The following CARNMT1 variants were observed in gnomAD, a reference collection of about 807,000 sequenced individuals.
CARNMT1 encodes the protein carnosine N-methyltransferase 1.
In CARNMT1, 28 loss-of-function variants were observed where a neutral mutation model predicts 49.6. The ratio of observed to expected loss-of-function variants is 0.56; its 90% CI spans 0.42 to 0.77. CARNMT1 has a LOEUF of 0.77. Ranked by LOEUF, CARNMT1 falls within the 30% of genes least tolerant of loss-of-function variation. The pLI, the probability that CARNMT1 is intolerant of heterozygous loss-of-function variation, is 0.00. For synonymous variants in CARNMT1, 178 were observed against 175.0 expected (o/e 1.02, Z -0.13); for missense variants, 421 against 512.6 (o/e 0.82, Z 1.73).
chr9:74,989,958 G>A (rs1475754815), intron 6 of CARNMT1, among the ~76,000 whole-genome samples: 1 of 152,192 alleles, frequency 6.6e-6, no homozygotes, highest in Non-Finnish European at 1.5e-5. Flanking sequence ...GCAGCATGGC[G>A]AGAAAGATAG....
chr9:75,011,329 C>A (rs1183272603), intron 3 of CARNMT1, among the ~76,000 whole-genome samples: 1 of 152,178 alleles, frequency 6.6e-6, no homozygotes, highest in Non-Finnish European at 1.5e-5. Context: ...TTCTACCCAA[C>A]AGAATATGGC....
In CARNMT1 at chr9:74,996,577, A is replaced by G. The variant is rs1449588801; in HGVS notation, c.911-17T>C. 1.5e-6 allele frequency: 2 copies of G among 1,348,662 alleles called. No homozygotes were observed. Among genetic ancestry groups the G allele is most frequent in the Non-Finnish European group, 2.1e-6 (2 of 964,636 alleles). 83.5% of individuals were successfully genotyped at this position (1,348,662 alleles called of 1,614,324 possible). ...CCCAGGTATCTAATGAAGAAAAATC[A>G]AATTACTGCATCTGTTATGTTATTT... On this transcript the variant is annotated splice_polypyrimidine_tract_variant and intron_variant, in intron 5 of 7. Coordinates refer to ENST00000376834, the MANE Select transcript of CARNMT1 (RefSeq NM_152420.3).
In CARNMT1 at chr9:75,027,909, G is replaced by A. The variant is rs979757438; in HGVS notation, c.230+103C>T. The stretch of plus-strand genomic sequence containing the variant: ...TGCAGCAGCCGGGTCCCGACGCCTC[G>A]GAGGCGTGGCGGCGGGACGGCGAGC... On this transcript the variant is annotated intron_variant, in intron 1 of 7. Transcript: ENST00000376834. 9 of 1,295,860 alleles carry A rather than the reference G, an allele frequency of 6.9e-6. No individual in the cohort carries two copies. The Admixed American group carries it at 2.7e-4, about 39-fold the overall frequency. 80.3% of individuals were successfully genotyped at this position (1,295,860 alleles called of 1,614,324 possible). A position where few individuals can be genotyped will look rare whatever the true frequency, so the allele number is the denominator to read the frequency against.
At chr9:75,018,499 T>A (rs1054003442) in intron 1 of CARNMT1, among the ~76,000 whole-genome samples, 4 of 152,238 alleles carry the variant, frequency 2.6e-5, no homozygotes, top group Non-Finnish European at 5.9e-5. Context: ...TTAGGACATT[T>A]ACACACTAAT....
At position 74,996,557 on chromosome 9, in the gene CARNMT1, G is replaced by A; in HGVS notation, c.914C>T (p.Thr305Ile). 1 of 1,546,214 alleles carries A rather than the reference G, an allele frequency of 6.5e-7. No homozygotes were observed. Among genetic ancestry groups the A allele is most frequent in the Non-Finnish European group, 8.8e-7 (1 of 1,140,904 alleles). ...DFQEIYSECN[T>I]WDCIATCFFI... ...GAAACAGGTAGCAATACAGTCCCAG[G>A]TATCTAATGAAGAAAAATCAAATTA... The change falls in exon 6 of 8, where the codon ACC becomes ATC. Residue 305 changes from threonine to isoleucine, a missense_variant. Transcript: ENST00000376834.
chr9:75,009,018 T>G (rs1833603661), intron 3 of CARNMT1, among the ~76,000 whole-genome samples: 1 of 151,230 alleles, frequency 6.6e-6, no homozygotes, highest in Admixed American at 6.6e-5. Context: ...TCCACTAATT[T>G]TCAACGAGTC....
At chr9:75,024,134 G>T (rs1260607458) in intron 1 of CARNMT1, among the ~76,000 whole-genome samples, 1 of 152,140 alleles carries the variant, frequency 6.6e-6, no homozygotes, top group Non-Finnish European at 1.5e-5. Flanking sequence ...ATGGTCACAG[G>T]CCCATTCCTC....
rs1212652149 is a variant in CARNMT1 at position 74,980,819 on chromosome 9, T to C, written c.*2948A>G. On this transcript the variant is annotated 3_prime_UTR_variant, in exon 8 of 8. Coordinates refer to ENST00000376834, the MANE Select transcript of CARNMT1 (RefSeq NM_152420.3). ...TTTTCCTCAATGGATTCTAACTTTA[T>C]TACAGTGAACTTGAATGAAACAAAG... Among the ~76,000 whole-genome samples, 2 of 152,204 alleles carry C rather than the reference T, an allele frequency of 1.3e-5. No individual in the cohort carries two copies. Among genetic ancestry groups the C allele is most frequent in the Non-Finnish European group, 2.9e-5 (2 of 68,012 alleles).
At chr9:74,988,623 T>C (rs775659003) in intron 6 of CARNMT1, among the ~76,000 whole-genome samples, 12 of 152,224 alleles carry the variant, frequency 7.9e-5, no homozygotes, top group Admixed American at 3.9e-4. Context: ...GACAGACTTC[T>C]AGAAGTATAA....
intron 3 of CARNMT1, among the ~76,000 whole-genome samples, chr9:75,006,036 C>T (rs1159543886): frequency 6.6e-6 from 1 of 151,880 alleles, no homozygotes; most frequent in African/African-American, 2.4e-5. Context: ...TTCTGAAGGG[C>T]TACAATTAAT....
rs1230378004 is a variant in CARNMT1, at chr9:74,981,352, A to C, written c.*2415T>G. ...CTCCTCCCATTTCATAAAGTAAATGAAAATGTTTGTGTATAAAGCTAATTT... is the reference window on the plus strand; with the variant it reads ...CTCCTCCCATTTCATAAAGTAAATGCAAATGTTTGTGTATAAAGCTAATTT... On this transcript the variant is annotated 3_prime_UTR_variant, in exon 8 of 8. Coordinates refer to ENST00000376834, the MANE Select transcript of CARNMT1 (RefSeq NM_152420.3). 1 of 152,172 alleles carries C rather than the reference A, an allele frequency of 6.6e-6. No homozygotes were observed. The highest frequency in any genetic ancestry group is 1.5e-5 in the Non-Finnish European group (1 of 68,000). The allele number at this position is 152,172 out of a possible 1,614,324, so 9.4% of individuals were successfully genotyped here.
At chr9:75,022,382 C>T (rs982523770) in intron 1 of CARNMT1, among the ~76,000 whole-genome samples, 1 of 151,760 alleles carries the variant, frequency 6.6e-6, no homozygotes, top group South Asian at 2.1e-4. Context: ...CACCACCATG[C>T]CCGGCTAATT....
chr9:74,999,511 A>C (rs2118794434), intron 4 of CARNMT1, among the ~76,000 whole-genome samples: 1 of 152,272 alleles, frequency 6.6e-6, no homozygotes, highest in Admixed American at 6.5e-5. Flanking sequence ...ACTTTCTATA[A>C]AGTCACTTAC....
chr9:75,011,078 A>G (rs72732926), intron 3 of CARNMT1, among the ~76,000 whole-genome samples: 10,061 of 152,250 alleles, frequency 0.066, 368 homozygotes, highest in Middle Eastern at 0.099. Flanking sequence ...TTCACTCATC[A>G]TAAGAGAAAT....
intron 3 of CARNMT1, among the ~76,000 whole-genome samples, chr9:75,013,847 A>G (rs952198836): frequency 2.6e-5 from 4 of 151,938 alleles, no homozygotes; most frequent in African/African-American, 4.8e-5. Flanking sequence ...TCTACAAAAA[A>G]TACTAAAAAA....
chr9:75,005,119 CATT>C (rs1212011824), intron 3 of CARNMT1, among the ~76,000 whole-genome samples: 3 of 152,106 alleles, frequency 2.0e-5, no homozygotes, highest in African/African-American at 7.2e-5. Context: ...AGAGTTATTA[CATT>C]ATGTTTATGT....
chr9:74,999,305 G>T (rs774550716), intron 4 of CARNMT1, among the ~76,000 whole-genome samples: 10 of 152,140 alleles, frequency 6.6e-5, no homozygotes, highest in Non-Finnish European at 1.3e-4. Context: ...TTCCAACTCA[G>T]TCATGAGAGC....
intron 1 of CARNMT1, among the ~76,000 whole-genome samples, chr9:75,020,024 G>GA (rs1441827334): frequency 6.6e-6 from 1 of 151,968 alleles, no homozygotes; most frequent in Non-Finnish European, 1.5e-5. Flanking sequence ...TATTATTTAG[G>GA]GACTGAGCAT....
chr9:75,001,125 A>T (rs972856343), intron 3 of CARNMT1, among the ~76,000 whole-genome samples: 9 of 150,776 alleles, frequency 6.0e-5, no homozygotes, highest in Non-Finnish European at 1.2e-4. Flanking sequence ...TCAGTTTAGA[A>T]TTTTTTTTTT....
Sources: allele counts gnomAD v4.1 joint callset (sites outside exome capture counted in the v4.1 genomes callset), GRCh38; gene constraint gnomAD v4.1.1; transcripts MANE v1.5; gene names NCBI Gene and HGNC (gene_info 2026-07-23, HGNC 2026-07-21).